Variants in CMIP observed in about 807,000 individuals in gnomAD.
CMIP encodes c-Maf inducing protein.
A neutral mutation model predicts 97.3 loss-of-function variants in CMIP; 13 were observed. That is an observed-to-expected ratio of 0.13 (90% CI 0.09 to 0.21). The LOEUF (loss-of-function observed/expected upper bound fraction) is 0.21. CMIP is among the 10% of genes least tolerant of loss of function. The pLI is 1.00. For synonymous variants in CMIP, 538 were observed against 436.3 expected (o/e 1.23, Z -2.91); for missense variants, 847 against 1,024.9 (o/e 0.83, Z 2.37).
rs1452726862 is a variant in CMIP at position 81,693,199 on chromosome 16, A to G, written c.1481+15A>G. Reference sequence around the variant, plus strand: ...AAGTTCACCAAGTGAGTGTCTGGGCACCGCCCTCATTCCATTCTGGCACGC... The same window carrying G: ...AAGTTCACCAAGTGAGTGTCTGGGCGCCGCCCTCATTCCATTCTGGCACGC... On this transcript the variant is annotated intron_variant, in intron 12 of 20. Coordinates refer to ENST00000537098, the MANE Select transcript of CMIP (RefSeq NM_198390.3). 1 of 1,609,536 alleles carries G rather than the reference A, an allele frequency of 6.2e-7. No individual in the cohort carries two copies.
At chr16:81,696,395 A>G in intron 13 of CMIP, 165 bp from the exon 14 acceptor site, 2 of 689,648 alleles carry the variant, frequency 2.9e-6, no homozygotes, top group South Asian at 1.7e-5. Flanking sequence ...AAGACCTTTC[A>G]TGGCATTTGG....
chr16:81,512,952 G>A (rs2089841568), intron 1 of CMIP, among the ~76,000 whole-genome samples: 1 of 152,142 alleles, frequency 6.6e-6, no homozygotes, highest in African/African-American at 2.4e-5. Context: ...GCCCAAGCTG[G>A]TCTCAAACTC....
chr16:81,694,370 T>G (rs548698177), intron 13 of CMIP, among the ~76,000 whole-genome samples: 1 of 151,978 alleles, frequency 6.6e-6, no homozygotes, highest in Non-Finnish European at 1.5e-5. Context: ...ACAGGGGGAG[T>G]TCCTCTCCAT....
At chr16:81,568,958 A>T (rs141364287) in intron 1 of CMIP, among the ~76,000 whole-genome samples, 2 of 152,340 alleles carry the variant, frequency 1.3e-5, no homozygotes, top group East Asian at 3.9e-4. Context: ...AACAAAAGAG[A>T]AATACAGTGA....
In CMIP at chr16:81,709,876, T is replaced by G; in HGVS notation, c.*77T>G. On this transcript the variant is annotated 3_prime_UTR_variant, in exon 21 of 21. Transcript: ENST00000537098. Reference sequence around the variant, plus strand: ...TGACTAACAGCCGCAGAGCAGCCGGTCCTGGGGTCCCACCCTGGTGCCCTG... The same window carrying G: ...TGACTAACAGCCGCAGAGCAGCCGGGCCTGGGGTCCCACCCTGGTGCCCTG... 2.4e-6 allele frequency: 3 copies of G among 1,271,792 alleles called. No homozygotes were observed. The Admixed American group carries it at 6.6e-5, about 28-fold the overall frequency. 78.8% of individuals were successfully genotyped at this position (1,271,792 alleles called of 1,614,324 possible). A position where few individuals can be genotyped will look rare whatever the true frequency, so the allele number is the denominator to read the frequency against.
chr16:81,692,083 T>C (rs1906147173), intron 11 of CMIP, among the ~76,000 whole-genome samples: 1 of 152,116 alleles, frequency 6.6e-6, no homozygotes, highest in Non-Finnish European at 1.5e-5. Context: ...CTTGACTGCA[T>C]TGTCACAAGG....
At chr16:81,574,652 C>G (rs909997575) in intron 1 of CMIP, among the ~76,000 whole-genome samples, 2 of 152,228 alleles carry the variant, frequency 1.3e-5, no homozygotes, top group Non-Finnish European at 2.9e-5. Context: ...GTTCCTCACC[C>G]TTGCTCAGTT....
chr16:81,663,258 T>C (rs572106616), intron 6 of CMIP, among the ~76,000 whole-genome samples: 1 of 150,978 alleles, frequency 6.6e-6, no homozygotes, highest in East Asian at 2.0e-4. Flanking sequence ...AGTGGGTGAA[T>C]GGATAAATAA....
Position 81,707,003 on chromosome 16 carries a change from C to T in CMIP, c.2198-11C>T. The T allele has an allele frequency of 2.5e-6, 4 of 1,612,992 alleles. No homozygotes were observed. Among genetic ancestry groups the T allele is most frequent in the Non-Finnish European group, 3.4e-6 (4 of 1,179,182 alleles). Reference sequence around the variant, plus strand: ...TCGCTCTCCTAACAACTGTATCTGTCTCTTGTGCAGCCATGAAGAGTCTCT... The same window carrying T: ...TCGCTCTCCTAACAACTGTATCTGTTTCTTGTGCAGCCATGAAGAGTCTCT... On this transcript the variant is annotated splice_polypyrimidine_tract_variant and intron_variant, in intron 19 of 20. Coordinates refer to ENST00000537098, the MANE Select transcript of CMIP (RefSeq NM_198390.3).
At chr16:81,541,016 T>C (rs1032022031) in intron 1 of CMIP, among the ~76,000 whole-genome samples, 3 of 151,292 alleles carry the variant, frequency 2.0e-5, no homozygotes, top group Non-Finnish European at 2.9e-5. Flanking sequence ...TATCAGTCCG[T>C]GGGCTTATTT....
At chr16:81,555,819 T>C (rs1355084739) in intron 1 of CMIP, among the ~76,000 whole-genome samples, 2 of 152,108 alleles carry the variant, frequency 1.3e-5, no homozygotes, top group Admixed American at 6.5e-5. Flanking sequence ...TCTGCCCTGG[T>C]TGGGGGAGAC....
chr16:81,468,593 C>T (rs568958943), intron 1 of CMIP, among the ~76,000 whole-genome samples: 1 of 152,368 alleles, frequency 6.6e-6, no homozygotes, highest in East Asian at 1.9e-4. Context: ...TTATGGGGCA[C>T]CTCCTGGGTA....
At chr16:81,607,438 C>T in intron 1 of CMIP, 129 bp from the exon 2 acceptor site, 1 of 1,212,652 alleles carries the variant, frequency 8.2e-7, no homozygotes, top group Non-Finnish European at 1.2e-6. Context: ...ACCAGAGGTG[C>T]TGAGCTCCTG....
chr16:81,700,597 ACC>A (rs1248681060), intron 15 of CMIP: 26 of 152,514 alleles, frequency 1.7e-4, no homozygotes, highest in African/African-American at 6.0e-4. Flanking sequence ...GCTAGACTTC[ACC>A]CCTCAGTGGG....
At chr16:81,580,688 C>T (rs977840260) in intron 1 of CMIP, among the ~76,000 whole-genome samples, 1 of 151,876 alleles carries the variant, frequency 6.6e-6, no homozygotes, top group Non-Finnish European at 1.5e-5. Flanking sequence ...CACCCGTCTT[C>T]GCCTCCCAAA....
intron 3 of CMIP, chr16:81,632,044 A>T (rs1353775899): frequency 2.6e-5 from 4 of 152,216 alleles, no homozygotes; most frequent in Non-Finnish European, 5.9e-5. Flanking sequence ...ATTGTAAAAA[A>T]ATCAAGCTAT....
Position 81,457,261 on chromosome 16 carries a change from T to C in CMIP, c.300+11720T>C, listed in dbSNP as rs368635344. On this transcript the variant is annotated intron_variant, in intron 1 of 20. Coordinates refer to ENST00000537098, the MANE Select transcript of CMIP (RefSeq NM_198390.3). Reference sequence around the variant, plus strand: ...CCCTGTGGCGCGGCACCACCCCAGCTGGGCAGCCAGGTCGCCTTTGCCTCT... The same window carrying C: ...CCCTGTGGCGCGGCACCACCCCAGCCGGGCAGCCAGGTCGCCTTTGCCTCT... 2.0e-5 allele frequency among the ~76,000 whole-genome samples: 3 copies of C among 152,150 alleles called. No individual in the cohort carries two copies. In the East Asian group the frequency reaches 5.8e-4, roughly 29 times the overall value.
intron 13 of CMIP, chr16:81,696,022 A>G (rs1906678397): frequency 6.0e-6 from 1 of 166,418 alleles, no homozygotes; most frequent in Non-Finnish European, 1.3e-5. Context: ...CCCAAGAGGG[A>G]GAGTCAGTGC....
chr16:81,574,856 G>A (rs947073452), intron 1 of CMIP, among the ~76,000 whole-genome samples: 6 of 152,146 alleles, frequency 3.9e-5, no homozygotes, highest in Non-Finnish European at 8.8e-5. Flanking sequence ...AGATCACGTG[G>A]GCAAGGACAG....
Sources: gnomAD v4.1 joint callset for allele counts (sites outside exome capture counted in the v4.1 genomes callset) on GRCh38, gnomAD v4.1.1 for gene constraint, MANE v1.5 for transcripts, NCBI Gene and HGNC (gene_info 2026-07-23, HGNC 2026-07-21) for gene names.